ST6GALNAC3: variants seen among roughly 807,000 people sequenced by gnomAD.
ST6GALNAC3 encodes the protein ST6 N-acetylgalactosaminide alpha-2,6-sialyltransferase 3, also known as alpha-N-acetylgalactosaminide alpha-2,6-sialyltransferase 3.
ST6GALNAC3 carries 25 observed loss-of-function variants against 32.7 expected under a neutral mutation model. That is an observed-to-expected ratio of 0.76 (90% CI 0.56 to 1.07). The LOEUF (loss-of-function observed/expected upper bound fraction) is 1.07. ST6GALNAC3 is among the 50% of genes least tolerant of loss of function. The pLI, the probability that ST6GALNAC3 is intolerant of heterozygous loss-of-function variation, is 0.00. For missense variants in ST6GALNAC3, 355 were observed against 382.4 expected, an observed-to-expected ratio of 0.93 and a Z score of 0.60; for synonymous variants, 129 against 133.1, an observed-to-expected ratio of 0.97 and a Z score of 0.21.
intron 3 of ST6GALNAC3, among the ~76,000 whole-genome samples, chr1:76,449,460 A>G (rs1010215242): frequency 6.6e-6 from 1 of 152,224 alleles, no homozygotes; most frequent in South Asian, 2.1e-4. Context: ...TTGTGGAAGC[A>G]TGGGTAGCTT....
At chr1:76,402,533 T>C (rs1056981745) in intron 2 of ST6GALNAC3, among the ~76,000 whole-genome samples, 1 of 152,182 alleles carries the variant, frequency 6.6e-6, no homozygotes, top group African/African-American at 2.4e-5. Flanking sequence ...TCTTCATTCT[T>C]GCCTCTGTGT....
intron 3 of ST6GALNAC3, among the ~76,000 whole-genome samples, chr1:76,508,881 A>G (rs977462929): frequency 6.6e-6 from 1 of 152,166 alleles, no homozygotes; most frequent in Non-Finnish European, 1.5e-5. Flanking sequence ...CAATAAGAAA[A>G]TTTTTTGTCA....
At chr1:76,386,988 A>G (rs937389669) in intron 2 of ST6GALNAC3, among the ~76,000 whole-genome samples, 5 of 152,130 alleles carry the variant, frequency 3.3e-5, no homozygotes, top group Non-Finnish European at 5.9e-5. Context: ...TCTCTCCAGC[A>G]TGGTATTTCA....
intron 3 of ST6GALNAC3, among the ~76,000 whole-genome samples, chr1:76,568,722 G>C (rs72991832): frequency 0.018 from 2,746 of 152,208 alleles, 80 homozygotes; most frequent in African/African-American, 0.063. Context: ...TTCGTGTCCA[G>C]GTGCATTAAT....
chr1:76,197,147 C>T (rs1401006167), intron 1 of ST6GALNAC3, among the ~76,000 whole-genome samples: 5 of 152,202 alleles, frequency 3.3e-5, no homozygotes, highest in African/African-American at 1.2e-4. Flanking sequence ...CACAGGCCAT[C>T]ATTGCCACTT....
chr1:76,229,550 C>G (rs940208459), intron 1 of ST6GALNAC3, among the ~76,000 whole-genome samples: 4 of 152,162 alleles, frequency 2.6e-5, no homozygotes, highest in African/African-American at 9.7e-5. Flanking sequence ...CTAGCAAGCT[C>G]AGAATAAATA....
chr1:76,518,509 C>T (rs554061468), intron 3 of ST6GALNAC3, among the ~76,000 whole-genome samples: 1 of 151,736 alleles, frequency 6.6e-6, no homozygotes, highest in East Asian at 1.9e-4. Context: ...TTCATTCTTT[C>T]TTTAGTAATT....
intron 2 of ST6GALNAC3, among the ~76,000 whole-genome samples, chr1:76,338,511 G>A (rs1054191421): frequency 6.6e-6 from 1 of 152,208 alleles, no homozygotes; most frequent in African/African-American, 2.4e-5. Context: ...GCTGTAGCAT[G>A]TAGCATAAGT....
intron 3 of ST6GALNAC3, among the ~76,000 whole-genome samples, chr1:76,413,348 T>C (rs1269000069): frequency 6.6e-6 from 1 of 152,204 alleles, no homozygotes; most frequent in Admixed American, 6.6e-5. Flanking sequence ...TTAAATTATC[T>C]GTGAATTTTG....
intron 1 of ST6GALNAC3, among the ~76,000 whole-genome samples, chr1:76,121,864 G>C (rs1301839718): frequency 6.6e-6 from 1 of 152,038 alleles, no homozygotes; most frequent in African/African-American, 2.4e-5. Context: ...TTACATTTCT[G>C]AGCTCCTCTC....
chr1:76,140,070 A>T (rs894374387), intron 1 of ST6GALNAC3, among the ~76,000 whole-genome samples: 1 of 152,160 alleles, frequency 6.6e-6, no homozygotes, highest in Non-Finnish European at 1.5e-5. Context: ...TCACCGTGAA[A>T]TCTAGGTTCT....
At position 76,525,789 on chromosome 1, in the gene ST6GALNAC3, G is replaced by GTATATATA. The variant is rs1475642074; in HGVS notation, c.624-101662_624-101661insATATATAT. On this transcript the variant is annotated intron_variant, in intron 3 of 4. Coordinates refer to ENST00000328299, the MANE Select transcript of ST6GALNAC3 (RefSeq NM_152996.4). ...TGTGTGTTTGTGTGTGTGTGTGTGT[G>GTATATATA]TGTATATATATATATATATATATAT... Among the ~76,000 whole-genome samples, 150 of 58,908 alleles carry GTATATATA rather than the reference G, an allele frequency of 2.5e-3. 1 individual carries two copies. The highest frequency in any genetic ancestry group is 4.7e-3 in the Non-Finnish European group (125 of 26,572). 38.6% of individuals were successfully genotyped at this position (58,908 alleles called of 152,430 possible). A position where few individuals can be genotyped will look rare whatever the true frequency, so the allele number is the denominator to read the frequency against.
chr1:76,226,678 C>CAGGAGGA (rs1455462786), intron 1 of ST6GALNAC3, among the ~76,000 whole-genome samples: 4 of 152,180 alleles, frequency 2.6e-5, no homozygotes, highest in Non-Finnish European at 4.4e-5. Flanking sequence ...ATCGCAGGAG[C>CAGGAGGA]AGGAGGAAGA....
intron 1 of ST6GALNAC3, among the ~76,000 whole-genome samples, chr1:76,132,903 G>T (rs1397690806): frequency 6.6e-6 from 1 of 152,062 alleles, no homozygotes; most frequent in Non-Finnish European, 1.5e-5. Context: ...TATCTTAATG[G>T]CCATAATGGT....
intron 1 of ST6GALNAC3, among the ~76,000 whole-genome samples, chr1:76,296,204 C>A (rs1248736659): frequency 6.6e-5 from 10 of 151,980 alleles, no homozygotes; most frequent in Non-Finnish European, 4.4e-5. Flanking sequence ...CTAGAATAGT[C>A]TCCAGAGGGG....
intron 1 of ST6GALNAC3, among the ~76,000 whole-genome samples, chr1:76,077,340 C>T (rs1383795782): frequency 6.6e-6 from 1 of 151,928 alleles, no homozygotes. Context: ...GAAAGATTTT[C>T]CTCTGCCCTC....
intron 1 of ST6GALNAC3, among the ~76,000 whole-genome samples, chr1:76,212,760 G>T (rs927971959): frequency 6.6e-5 from 10 of 152,134 alleles, no homozygotes; most frequent in African/African-American, 2.4e-4. Flanking sequence ...ATCATGAAAT[G>T]TTTCAGGATT....
intron 3 of ST6GALNAC3, among the ~76,000 whole-genome samples, chr1:76,416,548 T>A (rs1038892489): frequency 1.3e-5 from 2 of 151,854 alleles, no homozygotes; most frequent in African/African-American, 4.8e-5. Context: ...TTCTTAAAAT[T>A]GTAAAAATAC....
chr1:76,340,457 G>A (rs531022219), intron 2 of ST6GALNAC3, among the ~76,000 whole-genome samples: 4 of 152,202 alleles, frequency 2.6e-5, no homozygotes, highest in Non-Finnish European at 4.4e-5. Context: ...CAGAGCAGTC[G>A]GCTTTTCTGT....
Sources: gnomAD v4.1 joint callset for allele counts (sites outside exome capture counted in the v4.1 genomes callset) on GRCh38, gnomAD v4.1.1 for gene constraint, MANE v1.5 for transcripts, NCBI Gene and HGNC (gene_info 2026-07-23, HGNC 2026-07-21) for gene names.